PACRG: variants seen among roughly 807,000 people sequenced by gnomAD.
PACRG encodes the protein parkin coregulated gene protein.
A neutral mutation model predicts 29.7 loss-of-function variants in PACRG; 29 were observed. That is an observed-to-expected ratio of 0.98 (90% CI 0.73 to 1.33). The LOEUF (loss-of-function observed/expected upper bound fraction) is 1.33. Ranked by LOEUF, PACRG falls within the 40% of genes most tolerant of loss-of-function variation. PACRG has a pLI of 0.00. For synonymous variants in PACRG, 116 were observed against 118.7 expected (o/e 0.98, Z 0.15); for missense variants, 279 against 316.2 (o/e 0.88, Z 0.89).
intron 2 of PACRG, among the ~76,000 whole-genome samples, chr6:163,009,645 GCTAGCCA>G (rs1805435830): frequency 6.6e-6 from 1 of 152,118 alleles, no homozygotes; most frequent in African/African-American, 2.4e-5. Context: ...TATTAGCACA[GCTAGCCA>G]CTACTGCATC....
intron 1 of PACRG, among the ~76,000 whole-genome samples, chr6:162,795,798 G>T: frequency 6.6e-6 from 1 of 152,152 alleles, no homozygotes; most frequent in Middle Eastern, 3.4e-3. Context: ...TCTTCAAATA[G>T]ATCTTGTACA....
chr6:162,950,682 T>G (rs1347054149), intron 2 of PACRG, among the ~76,000 whole-genome samples: 1 of 152,190 alleles, frequency 6.6e-6, no homozygotes, highest in East Asian at 1.9e-4. Flanking sequence ...TCTATTTTTC[T>G]TGGTAAATGA....
chr6:163,171,900 G>A (rs1054528261), intron 4 of PACRG, among the ~76,000 whole-genome samples: 1 of 152,180 alleles, frequency 6.6e-6, no homozygotes, highest in South Asian at 2.1e-4. Context: ...GAGCAGCTGG[G>A]TGGGGAGGGG....
At chr6:162,748,088 C>T (rs556820282) in intron 1 of PACRG, among the ~76,000 whole-genome samples, 4 of 152,152 alleles carry the variant, frequency 2.6e-5, no homozygotes, top group African/African-American at 7.2e-5. Context: ...ATAGATCTCA[C>T]CTCTCTAACT....
intron 4 of PACRG, among the ~76,000 whole-genome samples, chr6:163,122,017 C>T (rs953087522): frequency 1.8e-4 from 27 of 151,876 alleles, no homozygotes; most frequent in Middle Eastern, 3.4e-3. Flanking sequence ...TCTATACATG[C>T]GGAGGAGTTT....
rs1331991769 is a variant in PACRG, at chr6:162,943,502, A to AC, written c.292-118645dup. 3.3e-5 allele frequency among the ~76,000 whole-genome samples: 5 copies of AC among 151,960 alleles called. No individual in the cohort carries two copies. In the East Asian group the frequency reaches 9.7e-4, roughly 29 times the overall value. ...TATGGCTGCTGCCACTGAAAAAGCA[A>AC]CCCTGCTCTCCTCAGTAGCAGGGCC... On this transcript the variant is annotated intron_variant, in intron 2 of 4. Transcript: ENST00000366888.
chr6:163,031,978 A>G (rs995502921), intron 2 of PACRG, among the ~76,000 whole-genome samples: 2 of 152,248 alleles, frequency 1.3e-5, no homozygotes, highest in African/African-American at 4.8e-5. Flanking sequence ...AGCCCTGGTA[A>G]AATAACCAGT....
At chr6:162,861,495 T>C (rs62429010) in intron 2 of PACRG, among the ~76,000 whole-genome samples, 35,492 of 152,090 alleles carry the variant, frequency 0.23, 4,465 homozygotes, top group Non-Finnish European at 0.29. Flanking sequence ...TTATTTCCTT[T>C]AACTTCCAAA....
intron 3 of PACRG, among the ~76,000 whole-genome samples, chr6:163,087,368 G>A (rs1813665803): frequency 1.3e-5 from 2 of 150,984 alleles, no homozygotes; most frequent in Non-Finnish European, 3.0e-5. Context: ...AAGAGAGATG[G>A]TGAAAATGGA....
chr6:162,997,187 G>A (rs1804145251), intron 2 of PACRG, among the ~76,000 whole-genome samples: 1 of 152,106 alleles, frequency 6.6e-6, no homozygotes, highest in Non-Finnish European at 1.5e-5. Context: ...AATATGTCAT[G>A]CTCAATTTTA....
At chr6:162,858,040 CATT>C (rs1208069163) in intron 2 of PACRG, among the ~76,000 whole-genome samples, 2 of 152,182 alleles carry the variant, frequency 1.3e-5, no homozygotes, top group African/African-American at 2.4e-5. Flanking sequence ...TTGGTATCAT[CATT>C]GTGCTGACAT....
chr6:162,958,041 A>G (rs1479467824), intron 2 of PACRG, among the ~76,000 whole-genome samples: 3 of 152,234 alleles, frequency 2.0e-5, no homozygotes, highest in Non-Finnish European at 4.4e-5. Flanking sequence ...AGGGAAAGCC[A>G]TTGAAATCCT....
chr6:162,877,317 C>T (rs1398323159), intron 2 of PACRG, among the ~76,000 whole-genome samples: 1 of 152,118 alleles, frequency 6.6e-6, no homozygotes, highest in Non-Finnish European at 1.5e-5. Context: ...CCATCATTCT[C>T]AGCAAACTAA....
At chr6:163,098,939 A>G (rs1173202298) in intron 4 of PACRG, among the ~76,000 whole-genome samples, 1 of 152,144 alleles carries the variant, frequency 6.6e-6, no homozygotes, top group African/African-American at 2.4e-5. Flanking sequence ...GGTCACTCTC[A>G]TCGCCATCTT....
intron 4 of PACRG, among the ~76,000 whole-genome samples, chr6:163,274,861 C>CTTTTTTTTTTTTTTTTTTTTTTTTT (rs58333018): frequency 1.6e-5 from 2 of 126,322 alleles, no homozygotes; most frequent in Non-Finnish European, 3.2e-5. Context: ...TTCTTTCTTT[C>CTTTTTTTTTTTTTTTTTTTTTTTTT]TTTTTTTTTT....
At chr6:163,277,480 T>G (rs1784074464) in intron 4 of PACRG, among the ~76,000 whole-genome samples, 1 of 64,074 alleles carries the variant, frequency 1.6e-5, no homozygotes, top group Admixed American at 1.3e-4. Flanking sequence ...TGTGTGTATG[T>G]GTGTATATAT....
At chr6:162,928,830 T>G (rs1797640209) in intron 2 of PACRG, among the ~76,000 whole-genome samples, 1 of 151,646 alleles carries the variant, frequency 6.6e-6, no homozygotes, top group Non-Finnish European at 1.5e-5. Context: ...AGGTCCACTT[T>G]TTTTTTTAGC....
chr6:162,791,063 G>A (rs1784893903), intron 1 of PACRG, among the ~76,000 whole-genome samples: 2 of 152,168 alleles, frequency 1.3e-5, no homozygotes, highest in South Asian at 2.1e-4. Flanking sequence ...CTCCTAGAAT[G>A]TACTGTAGTT....
chr6:163,100,118 G>A (rs1464034132), intron 4 of PACRG, among the ~76,000 whole-genome samples: 2 of 152,010 alleles, frequency 1.3e-5, no homozygotes, highest in African/African-American at 2.4e-5. Flanking sequence ...CAGGAGCCGA[G>A]GACAGCCAGG....
Sources: gnomAD v4.1 joint callset for allele counts (sites outside exome capture counted in the v4.1 genomes callset) on GRCh38, gnomAD v4.1.1 for gene constraint, MANE v1.5 for transcripts, NCBI Gene and HGNC (gene_info 2026-07-23, HGNC 2026-07-21) for gene names.